The following IRAK2 variants were observed in gnomAD, a reference collection of about 807,000 sequenced individuals.
IRAK2 encodes interleukin 1 receptor associated kinase 2, also known as interleukin-1 receptor-associated kinase-like 2.
In IRAK2, 57 loss-of-function variants were observed where a neutral mutation model predicts 72.0. The observed-to-expected ratio is 0.79, with a 90% CI of 0.64 to 0.99. IRAK2 has a LOEUF of 0.99. Among genes scored for constraint, IRAK2 ranks in the 50% least tolerant of loss-of-function variants. The pLI, the probability that IRAK2 is intolerant of heterozygous loss-of-function variation, is 0.00. For synonymous variants in IRAK2, 293 were observed against 312.7 expected (o/e 0.94, Z 0.67); for missense variants, 790 against 794.4 (o/e 0.99, Z 0.07).
At chr3:10,237,966 TGA>T (rs1404292724) in intron 11 of IRAK2, among the ~76,000 whole-genome samples, 25 of 150,746 alleles carry the variant, frequency 1.7e-4, no homozygotes, top group African/African-American at 5.9e-4. Context: ...TGTGTGTGTG[TGA>T]AGAAGAAACA....
At chr3:10,233,259 C>T (rs1697884323) in intron 10 of IRAK2, among the ~76,000 whole-genome samples, 1 of 152,052 alleles carries the variant, frequency 6.6e-6, no homozygotes, top group African/African-American at 2.4e-5. Context: ...ACCGTGTCAG[C>T]CAGGCTGGTC....
chr3:10,198,674 A>G (rs931725256), intron 2 of IRAK2, among the ~76,000 whole-genome samples: 10 of 152,178 alleles, frequency 6.6e-5, no homozygotes, highest in African/African-American at 2.4e-4. Context: ...TTTAGGTCCT[A>G]TTATTTTAGT....
At chr3:10,198,149 A>T (rs1697301316) in intron 2 of IRAK2, among the ~76,000 whole-genome samples, 5 of 152,228 alleles carry the variant, frequency 3.3e-5, no homozygotes, top group Admixed American at 2.6e-4. Context: ...CAGTGAGCCA[A>T]GATCACACCA....
intron 11 of IRAK2, among the ~76,000 whole-genome samples, chr3:10,236,417 G>A (rs1348828604): frequency 2.1e-5 from 3 of 141,546 alleles, no homozygotes; most frequent in East Asian, 2.3e-4. Flanking sequence ...GTGCAATCTC[G>A]GCTCACTGCA....
At position 10,184,709 on chromosome 3, in the gene IRAK2, TG is replaced by T. The variant is rs540124847; in HGVS notation, c.277+6691del. ...TAAAACTCCCTTCCCTGTTTTTTTGTGGAGTTTTTGTGTGTTTTTTTTTTTT... is the reference window on the plus strand; with the variant it reads ...TAAAACTCCCTTCCCTGTTTTTTTGTGAGTTTTTGTGTGTTTTTTTTTTTT... On this transcript the variant is annotated intron_variant, in intron 2 of 12. Coordinates refer to ENST00000256458, the MANE Select transcript of IRAK2 (RefSeq NM_001570.4). Among the ~76,000 whole-genome samples the T allele has an allele frequency of 1.2e-4, 17 of 142,722 alleles. No homozygotes were observed. In the South Asian group the frequency reaches 3.2e-3, roughly 27 times the overall value. 93.6% of individuals were successfully genotyped at this position (142,722 alleles called of 152,430 possible). A position where few individuals can be genotyped will look rare whatever the true frequency, so the allele number is the denominator to read the frequency against.
At chr3:10,169,974 G>A (rs996899716) in intron 1 of IRAK2, among the ~76,000 whole-genome samples, 20 of 152,320 alleles carry the variant, frequency 1.3e-4, no homozygotes, top group African/African-American at 3.4e-4. Flanking sequence ...TTCTTCTGCC[G>A]TGGCTTCAGC....
Position 10,177,827 on chromosome 3 carries a change from G to A in IRAK2, c.95-11G>A, listed in dbSNP as rs367713180. 124 of 1,610,516 alleles carry A rather than the reference G, an allele frequency of 7.7e-5. No individual in the cohort carries two copies. Among genetic ancestry groups the A allele is most frequent in the African/African-American group, 1.5e-4 (11 of 74,922 alleles). ...TCTGACTCTAAGCAGAGTTCTCTCCGTCCCTTCCAGCCTCCTACGTGATCA... is the reference window on the plus strand; with the variant it reads ...TCTGACTCTAAGCAGAGTTCTCTCCATCCCTTCCAGCCTCCTACGTGATCA... On this transcript the variant is annotated splice_polypyrimidine_tract_variant and intron_variant, in intron 1 of 12. Coordinates refer to ENST00000256458, the MANE Select transcript of IRAK2 (RefSeq NM_001570.4).
intron 2 of IRAK2, among the ~76,000 whole-genome samples, chr3:10,191,428 C>G (rs1006798688): frequency 6.6e-6 from 1 of 152,142 alleles, no homozygotes; most frequent in African/African-American, 2.4e-5. Flanking sequence ...AGTTCCAGGG[C>G]GCTTACAGTA....
chr3:10,209,768 C>G (rs1697490283), intron 4 of IRAK2, 76 bp downstream of exon 4: 1 of 877,122 alleles, frequency 1.1e-6, no homozygotes, highest in Admixed American at 2.9e-5. Context: ...TGCAATTTCT[C>G]TACCCCTTGA....
chr3:10,175,267 C>T (rs1696854944), intron 1 of IRAK2, among the ~76,000 whole-genome samples: 1 of 152,036 alleles, frequency 6.6e-6, no homozygotes, highest in Non-Finnish European at 1.5e-5. Flanking sequence ...TGGGAGATTA[C>T]AGGCGTGTGT....
At chr3:10,224,194 G>A (rs1324551379) in intron 9 of IRAK2, among the ~76,000 whole-genome samples, 1 of 152,076 alleles carries the variant, frequency 6.6e-6, no homozygotes, top group South Asian at 2.1e-4. Context: ...AAAATTAGCT[G>A]AGTGTGGTGG....
At chr3:10,181,657 G>A (rs1482876872) in intron 2 of IRAK2, among the ~76,000 whole-genome samples, 1 of 152,118 alleles carries the variant, frequency 6.6e-6, no homozygotes, top group Non-Finnish European at 1.5e-5. Flanking sequence ...GGACTGTCAT[G>A]CATAAATGCC....
intron 3 of IRAK2, among the ~76,000 whole-genome samples, chr3:10,201,337 G>A (rs559733600): frequency 2.6e-5 from 4 of 152,330 alleles, no homozygotes; most frequent in South Asian, 4.1e-4. Flanking sequence ...TTGGCCCTGC[G>A]TGCAGGCTCT....
At chr3:10,177,221 G>A (rs11465859) in intron 1 of IRAK2, among the ~76,000 whole-genome samples, 253 of 152,202 alleles carry the variant, frequency 1.7e-3, no homozygotes, top group African/African-American at 5.2e-3. Flanking sequence ...GCTGTGAGCC[G>A]CTGCACCTGG....
intron 11 of IRAK2, among the ~76,000 whole-genome samples, chr3:10,236,029 G>A (rs1697951929): frequency 1.3e-5 from 2 of 152,150 alleles, no homozygotes; most frequent in Admixed American, 1.3e-4. Context: ...CACGCTCCTG[G>A]AACTCATGGA....
At chr3:10,227,836 T>A (rs995627969) in intron 10 of IRAK2, among the ~76,000 whole-genome samples, 3 of 151,622 alleles carry the variant, frequency 2.0e-5, no homozygotes, top group African/African-American at 7.3e-5. Flanking sequence ...ACCTGGCTAA[T>A]TTTTTTGTAT....
chr3:10,234,503 C>T lies in IRAK2; in HGVS notation c.1317C>T (p.Leu439=). The T allele has an allele frequency of 6.2e-7, 1 of 1,614,190 alleles. No homozygotes were observed. Among genetic ancestry groups the T allele is most frequent in the Non-Finnish European group, 8.5e-7 (1 of 1,180,028 alleles). The part of the protein sequence containing the change: ...LSDIPSSTAS[L]CSRKTGVENV... ...ATATTCCAAGCAGCACCGCCTCGCT[C>T]TGCTCCAGGAAGACGGGCGTGGAGA... Residue 439 remains leucine, a synonymous_variant, in exon 11 of 13, where the codon CTC becomes CTT. Transcript: ENST00000256458.
At chr3:10,166,375 C>A (rs76832787) in intron 1 of IRAK2, among the ~76,000 whole-genome samples, 1,731 of 152,302 alleles carry the variant, frequency 0.011, 33 homozygotes, top group African/African-American at 0.039. Flanking sequence ...TGGTGCCTGA[C>A]GGATGACTGG....
chr3:10,189,461 G>T (rs1697139098), intron 2 of IRAK2, among the ~76,000 whole-genome samples: 1 of 152,334 alleles, frequency 6.6e-6, no homozygotes, highest in African/African-American at 2.4e-5. Context: ...TATATGGACT[G>T]GGGGGCTGGG....
Sources: gnomAD v4.1 joint callset for allele counts (sites outside exome capture counted in the v4.1 genomes callset) on GRCh38, gnomAD v4.1.1 for gene constraint, MANE v1.5 for transcripts, NCBI Gene and HGNC (gene_info 2026-07-23, HGNC 2026-07-21) for gene names.